The following CHRNA10 variants were observed in gnomAD, a reference collection of about 807,000 sequenced individuals.
CHRNA10 encodes the protein cholinergic receptor nicotinic alpha 10 subunit.
Under a neutral mutation model 36.0 loss-of-function variants are expected in CHRNA10, and 31 were observed. The ratio of observed to expected loss-of-function variants is 0.86; its 90% CI spans 0.65 to 1.16. CHRNA10 has a LOEUF of 1.16. Among genes scored for constraint, CHRNA10 ranks in the 50% most tolerant of loss-of-function variants. The probability of loss-of-function intolerance (pLI) is 0.00; values close to 1 mark genes in which losing one functional copy is unlikely to be tolerated. For missense variants in CHRNA10, 648 were observed against 640.9 expected (o/e 1.01, Z -0.12); for synonymous variants, 302 against 287.0 (o/e 1.05, Z -0.53).
chr11:3,666,073 G>A lies in CHRNA10; in HGVS notation c.*34C>T. The stretch of plus-strand genomic sequence containing the variant: ...GCTGTCCCTTTCTGGAGGAGCTGTG[G>A]CTGCAGCAGATCCCTGTGACTTAGT... On this transcript the variant is annotated 3_prime_UTR_variant, in exon 5 of 5. Transcript: ENST00000250699. The A allele has an allele frequency of 6.7e-7, 1 of 1,498,456 alleles. No homozygotes were observed. Among genetic ancestry groups the A allele is most frequent in the East Asian group, 2.3e-5 (1 of 43,380 alleles). The allele number at this position is 1,498,456 out of a possible 1,614,324, so 92.8% of individuals were successfully genotyped here.
chr11:3,666,488 G>T lies in CHRNA10; in HGVS notation c.972C>A (p.Tyr324Ter), dbSNP rs748204636. The T allele has an allele frequency of 1.9e-6, 3 of 1,608,290 alleles. No individual in the cohort carries two copies. The African/African-American group carries it at 4.0e-5, about 22-fold the overall frequency. Reference sequence around the variant, plus strand: ...GCACTGGGCGGACACTGGGACCACAGTAATGCAGGTTCATGATAAGGATGG... The same window carrying T: ...GCACTGGGCGGACACTGGGACCACATTAATGCAGGTTCATGATAAGGATGG... ...ALTILIMNLH[Y>*]CGPSVRPVPA... is the part of the protein sequence containing the mutation. Residue 324 changes from tyrosine (Y) to a stop codon, truncating the protein, a stop_gained, in exon 5 of 5, where the codon TAC becomes TAA. Coordinates refer to ENST00000250699, the MANE Select transcript of CHRNA10 (RefSeq NM_020402.4). LOFTEE classifies it high-confidence loss of function.
Position 3,667,669 on chromosome 11 carries a change from G to A in CHRNA10, c.458C>T (p.Ser153Leu), listed in dbSNP as rs748015833. 40 of 1,563,800 alleles carry A rather than the reference G, an allele frequency of 2.6e-5. No homozygotes were observed. Among genetic ancestry groups the A allele is most frequent in the South Asian group, 3.4e-5 (3 of 86,972 alleles). ...GAAGGCTGCTACATCCACGCGGCACGAGCTGCGCGTGATGGCCGGCGCGTC... is the reference window on the plus strand; with the variant it reads ...GAAGGCTGCTACATCCACGCGGCACAAGCTGCGCGTGATGGCCGGCGCGTC... ...RWDAPAITRS[S>L]CRVDVAAFPF... The change falls in exon 4 of 5, where the codon TCG (serine) becomes TTG (leucine). Residue 153 changes from serine to leucine, a missense_variant. Coordinates refer to ENST00000250699, the MANE Select transcript of CHRNA10 (RefSeq NM_020402.4).
At chr11:3,670,452 C>T (rs2077705455) in intron 1 of CHRNA10, among the ~76,000 whole-genome samples, 1 of 152,192 alleles carries the variant, frequency 6.6e-6, no homozygotes, top group Non-Finnish European at 1.5e-5. Flanking sequence ...AACATTGTTC[C>T]CATGAATCCT....
rs749720172 is a variant in CHRNA10 at position 3,669,785 on chromosome 11, C to A, written c.207+11G>T. 3.7e-6 allele frequency: 6 copies of A among 1,614,182 alleles called. No individual in the cohort carries two copies. The South Asian group carries it at 6.6e-5, about 18-fold the overall frequency. On this transcript the variant is annotated intron_variant, in intron 2 of 4. Coordinates refer to ENST00000250699, the MANE Select transcript of CHRNA10 (RefSeq NM_020402.4). ...GTAAGACTCCACAGCTGTACCACCA[C>A]CACAACGCACCATGTCGATGATCTG...
rs1470782037 is a variant in CHRNA10 at position 3,671,164 on chromosome 11, A to C, written c.61+88T>G. The C allele has an allele frequency of 7.4e-6, 10 of 1,345,222 alleles. No homozygotes were observed. In the East Asian group the frequency reaches 2.3e-4, roughly 31 times the overall value. 83.3% of individuals were successfully genotyped at this position (1,345,222 alleles called of 1,614,324 possible). ...CAGAACAGGTACTGAGGAGAAACAC[A>C]AGAGAGACTACATGGAAAGGGATTT... On this transcript the variant is annotated intron_variant, in intron 1 of 4. Coordinates refer to ENST00000250699, the MANE Select transcript of CHRNA10 (RefSeq NM_020402.4).
In CHRNA10 at chr11:3,667,607, A is replaced by G. The variant is rs1158202088; in HGVS notation, c.520T>C (p.Ser174Pro). The G allele has an allele frequency of 6.4e-7, 1 of 1,557,062 alleles. No individual in the cohort carries two copies. The highest frequency in any genetic ancestry group is 8.7e-7 in the Non-Finnish European group (1 of 1,156,066). The change falls in exon 4 of 5, where the codon TCC (serine) becomes CCC (proline). Residue 174 changes from serine to proline, a missense_variant. By Grantham distance (74) the Ser-to-Pro change is moderately conservative. Coordinates refer to ENST00000250699, the MANE Select transcript of CHRNA10 (RefSeq NM_020402.4). ...AGTTGGTGCCCGCCGTGAGTCCAGG[A>G]GCCGAACGTCAGGCCGCAGTGCTGG... ...DAQHCGLTFG[S>P]WTHGGHQLDV...
chr11:3,670,725 T>C (rs1284911868), intron 1 of CHRNA10, among the ~76,000 whole-genome samples: 1 of 152,202 alleles, frequency 6.6e-6, no homozygotes, highest in African/African-American at 2.4e-5. Flanking sequence ...TGCTGCCTCC[T>C]CCTCGGGGAA....
Position 3,666,029 on chromosome 11 carries a change from C to G in CHRNA10, c.*78G>C. 7.5e-7 allele frequency: 1 copy of G among 1,331,066 alleles called. No homozygotes were observed. The highest frequency in any genetic ancestry group is 1.0e-6 in the Non-Finnish European group (1 of 991,890). 82.5% of individuals were successfully genotyped at this position (1,331,066 alleles called of 1,614,324 possible). A position where few individuals can be genotyped will look rare whatever the true frequency, so the allele number is the denominator to read the frequency against. ...GGGAGAGACTGGCTGGCCCAAAGAC[C>G]AGCAACCACTTGGCCGTGGCTGTCC... On this transcript the variant is annotated 3_prime_UTR_variant, in exon 5 of 5. Transcript: ENST00000250699.
rs774382849 is a variant in CHRNA10 at position 3,667,665 on chromosome 11, G to C, written c.462C>G (p.Cys154Trp). Residue 154 changes from cysteine (C) to tryptophan (W), a missense_variant, in exon 4 of 5, where the codon TGC (cysteine) becomes TGG (tryptophan). Physicochemically the swap from Cys to Trp is radical, Grantham distance 215. Coordinates refer to ENST00000250699, the MANE Select transcript of CHRNA10 (RefSeq NM_020402.4). ...ACGGGAAGGCTGCTACATCCACGCGGCACGAGCTGCGCGTGATGGCCGGCG... is the reference window on the plus strand; with the variant it reads ...ACGGGAAGGCTGCTACATCCACGCGCCACGAGCTGCGCGTGATGGCCGGCG... ...WDAPAITRSS[C>W]RVDVAAFPFD... 6 of 1,562,186 alleles carry C rather than the reference G, an allele frequency of 3.8e-6. No homozygotes were observed. The Admixed American group carries it at 9.1e-5, about 24-fold the overall frequency.
Position 3,667,447 on chromosome 11 carries a change from G to T in CHRNA10, c.680C>A (p.Thr227Asn). Reference sequence around the variant, plus strand: ...GCGGCGGCGCAGCAGCAGCGTGAAGGTGACGTCGGGGTAGGGCTCGGAGCA... The same window carrying T: ...GCGGCGGCGCAGCAGCAGCGTGAAGTTGACGTCGGGGTAGGGCTCGGAGCA... ...GCCSEPYPDV[T>N]FTLLLRRRAA... Residue 227 changes from threonine (T) to asparagine (N), a missense_variant, in exon 4 of 5, where the codon ACC becomes AAC. By Grantham distance (65) the Thr-to-Asn change is moderately conservative. Coordinates refer to ENST00000250699, the MANE Select transcript of CHRNA10 (RefSeq NM_020402.4). 6.3e-7 allele frequency: 1 copy of T among 1,595,782 alleles called. No homozygotes were observed.
intron 1 of CHRNA10, 54 bp downstream of exon 1, chr11:3,671,198 C>G (rs2077711223): frequency 1.3e-6 from 2 of 1,556,028 alleles, no homozygotes; most frequent in African/African-American, 1.4e-5. Context: ...TTTGGGAGAA[C>G]AGGAATAGTA....
chr11:3,667,133 T>C (rs1023685907), intron 4 of CHRNA10, 99 bp downstream of exon 4: 1 of 1,425,778 alleles, frequency 7.0e-7, no homozygotes, highest in African/African-American at 1.5e-5. Context: ...CCTCTCACTT[T>C]CTGCAGTGGG....
Position 3,669,822 on chromosome 11 carries a change from C to T in CHRNA10, c.181G>A (p.Val61Met), listed in dbSNP as rs2077699759. The change falls in exon 2 of 5, where the codon GTG (valine) becomes ATG (methionine). Residue 61 changes from valine (V) to methionine (M), a missense_variant. Coordinates refer to ENST00000250699, the MANE Select transcript of CHRNA10 (RefSeq NM_020402.4). ...TDQTLNVTLEVTLSQIIDMDE... is the reference protein window; with the variant it reads ...TDQTLNVTLEMTLSQIIDMDE... Reference sequence around the variant, plus strand: ...ATGTCGATGATCTGGGACAGTGTCACCTCCAGGGTCACATTCAGAGTCTGG... The same window carrying T: ...ATGTCGATGATCTGGGACAGTGTCATCTCCAGGGTCACATTCAGAGTCTGG... The T allele has an allele frequency of 1.2e-6, 2 of 1,614,220 alleles. No homozygotes were observed. The highest frequency in any genetic ancestry group is 1.3e-5 in the African/African-American group (1 of 75,050).
At chr11:3,670,155 GC>G (rs1287470460) in intron 1 of CHRNA10, among the ~76,000 whole-genome samples, 1 of 152,140 alleles carries the variant, frequency 6.6e-6, no homozygotes, top group Non-Finnish European at 1.5e-5. Context: ...ATCTTCTGGC[GC>G]CAGGCTGACA....
intron 4 of CHRNA10, 68 bp downstream of exon 4, chr11:3,667,164 C>T: frequency 2.1e-6 from 3 of 1,462,680 alleles, no homozygotes; most frequent in Admixed American, 2.4e-5. Context: ...AGACCCAGGC[C>T]CTGTCGCGGC....
chr11:3,668,319 C>T (rs1426016766), intron 3 of CHRNA10, among the ~76,000 whole-genome samples: 2 of 152,102 alleles, frequency 1.3e-5, no homozygotes, highest in Non-Finnish European at 2.9e-5. Flanking sequence ...CGAGACCACC[C>T]TGGCTAACAC....
intron 3 of CHRNA10, among the ~76,000 whole-genome samples, chr11:3,668,340 C>G (rs1016686041): frequency 6.6e-6 from 1 of 152,024 alleles, no homozygotes; most frequent in Non-Finnish European, 1.5e-5. Flanking sequence ...GGTGAAACCT[C>G]GTCTGTACTA....
intron 4 of CHRNA10, 136 bp from the exon 5 acceptor site, chr11:3,666,700 G>A: frequency 6.0e-6 from 4 of 671,424 alleles, no homozygotes; most frequent in South Asian, 2.2e-5. Context: ...GATGGAAGCA[G>A]GAAGGAGGTA....
rs777343278 is a variant in CHRNA10 at position 3,667,394 on chromosome 11, G to A, written c.733C>T (p.Leu245=). Reference sequence around the variant, plus strand: ...AGCAGCGAGATGAGCACGCAGGGCAGCAGCAGGTTGCACACGTAGGCGGCG... The same window carrying A: ...AGCAGCGAGATGAGCACGCAGGGCAACAGCAGGTTGCACACGTAGGCGGCG... ...RAAAYVCNLL[L]PCVLISLLAP... Residue 245 remains leucine, a synonymous_variant, in exon 4 of 5, where the codon CTG becomes TTG. Coordinates refer to ENST00000250699, the MANE Select transcript of CHRNA10 (RefSeq NM_020402.4). 1.2e-6 allele frequency: 2 copies of A among 1,601,216 alleles called. No individual in the cohort carries two copies. Among genetic ancestry groups the A allele is most frequent in the Non-Finnish European group, 1.7e-6 (2 of 1,178,036 alleles).
Sources: gnomAD v4.1 joint callset for allele counts (sites outside exome capture counted in the v4.1 genomes callset) on GRCh38, gnomAD v4.1.1 for gene constraint, MANE v1.5 for transcripts, NCBI Gene and HGNC (gene_info 2026-07-23, HGNC 2026-07-21) for gene names.